The following PSME4 variants were observed in gnomAD, a reference collection of about 807,000 sequenced individuals.
PSME4 encodes the protein proteasome activator complex subunit 4.
In PSME4, 89 loss-of-function variants were observed where a neutral mutation model predicts 253.9. That is an observed-to-expected ratio of 0.35 (90% CI 0.30 to 0.42). PSME4 has a LOEUF of 0.42. Among genes scored for constraint, PSME4 ranks in the 10% least tolerant of loss-of-function variants. PSME4 has a pLI of 1.00. For missense variants in PSME4, 2,014 were observed against 2,195.2 expected (o/e 0.92, Z 1.65); for synonymous variants, 851 against 759.2 (o/e 1.12, Z -1.99).
intron 10 of PSME4, among the ~76,000 whole-genome samples, chr2:53,929,059 G>C (rs890754387): frequency 1.3e-5 from 2 of 152,000 alleles, no homozygotes; most frequent in East Asian, 3.9e-4. Flanking sequence ...CAAGCTACTC[G>C]GGTGGCTGAG....
At chr2:53,953,863 TAG>T (rs1467458469) in intron 1 of PSME4, among the ~76,000 whole-genome samples, 1 of 152,226 alleles carries the variant, frequency 6.6e-6, no homozygotes, top group African/African-American at 2.4e-5. Context: ...GTGATTGATA[TAG>T]AATATTTCTT....
chr2:53,872,326 A>G (rs1678915419), intron 43 of PSME4, among the ~76,000 whole-genome samples: 1 of 152,182 alleles, frequency 6.6e-6, no homozygotes, highest in Non-Finnish European at 1.5e-5. Context: ...AACAGTTCTC[A>G]TTTAGATAAC....
At chr2:53,955,027 C>G (rs1359219072) in intron 1 of PSME4, among the ~76,000 whole-genome samples, 2 of 149,814 alleles carry the variant, frequency 1.3e-5, no homozygotes, top group Non-Finnish European at 3.0e-5. Context: ...AAAAAATCGC[C>G]AGGTGTGATG....
intron 3 of PSME4, among the ~76,000 whole-genome samples, chr2:53,945,953 G>A (rs1367467723): frequency 6.6e-6 from 1 of 152,160 alleles, no homozygotes; most frequent in Non-Finnish European, 1.5e-5. Flanking sequence ...AGAGTTGAGA[G>A]TCAGTGCTGT....
intron 43 of PSME4, among the ~76,000 whole-genome samples, chr2:53,872,504 G>A (rs1157527697): frequency 2.6e-5 from 4 of 151,710 alleles, no homozygotes; most frequent in Non-Finnish European, 5.9e-5. Context: ...AATTTATAAG[G>A]CCAAGGCGGG....
intron 20 of PSME4, among the ~76,000 whole-genome samples, chr2:53,910,668 A>G (rs1429156850): frequency 6.6e-6 from 1 of 152,184 alleles, no homozygotes; most frequent in Non-Finnish European, 1.5e-5. Flanking sequence ...GGCTACCCTG[A>G]GCCTATAAGC....
At chr2:53,924,052 G>A (rs754044824) in intron 14 of PSME4, among the ~76,000 whole-genome samples, 2 of 151,872 alleles carry the variant, frequency 1.3e-5, no homozygotes, top group Non-Finnish European at 1.5e-5. Flanking sequence ...TATAACAAAG[G>A]GAATTTTTTG....
chr2:53,898,189 C>T (rs995506550), intron 30 of PSME4, 112 bp downstream of exon 30: 4 of 1,234,190 alleles, frequency 3.2e-6, no homozygotes, highest in Non-Finnish European at 3.4e-6. Context: ...TCCAAATACA[C>T]AAACCGGAAT....
chr2:53,903,364 T>G (rs548732507), intron 27 of PSME4, among the ~76,000 whole-genome samples: 1 of 152,008 alleles, frequency 6.6e-6, no homozygotes, highest in Non-Finnish European at 1.5e-5. Flanking sequence ...CTTTTTTCAG[T>G]CCCCTCATAT....
At chr2:53,969,687 G>GTTTTTTTTTTTTTTT (rs61560289) in intron 1 of PSME4, among the ~76,000 whole-genome samples, 1 of 138,958 alleles carries the variant, frequency 7.2e-6, no homozygotes, top group Non-Finnish European at 1.5e-5. Flanking sequence ...ATTTTCACTC[G>GTTTTTTTTTTTTTTT]TTTTTTTTTT....
chr2:53,955,720 G>A (rs1348986852), intron 1 of PSME4, among the ~76,000 whole-genome samples: 1 of 152,094 alleles, frequency 6.6e-6, no homozygotes, highest in Non-Finnish European at 1.5e-5. Flanking sequence ...CCAGGAGTTT[G>A]AGACCAGCCT....
intron 7 of PSME4, among the ~76,000 whole-genome samples, chr2:53,935,625 T>C (rs979657620): frequency 1.1e-4 from 16 of 152,206 alleles, no homozygotes; most frequent in African/African-American, 3.1e-4. Flanking sequence ...AAGGTACAAA[T>C]GTATGATGCT....
chr2:53,932,804 T>C (rs901597916), intron 8 of PSME4, 44 bp from the exon 9 acceptor site: 2 of 1,490,242 alleles, frequency 1.3e-6, no homozygotes, highest in South Asian at 2.3e-5. Context: ...CACATCATAC[T>C]GTAAAAACAG....
intron 3 of PSME4, among the ~76,000 whole-genome samples, chr2:53,947,638 G>A (rs976911505): frequency 2.4e-4 from 37 of 152,258 alleles, no homozygotes; most frequent in African/African-American, 8.7e-4. Flanking sequence ...CCCTGGAGGT[G>A]GAGCTTGCAG....
At position 53,906,585 on chromosome 2, in the gene PSME4, G is replaced by C; in HGVS notation, c.2943+13C>G. ...GGGAGGGCATGAGAGTGCAGCGTTT[G>C]GATAAGCCTTACCTGACTGTATGAA... On this transcript the variant is annotated intron_variant, in intron 26 of 46. Coordinates refer to ENST00000404125, the MANE Select transcript of PSME4 (RefSeq NM_014614.3). 1.9e-6 allele frequency: 3 copies of C among 1,541,818 alleles called. No homozygotes were observed. The highest frequency in any genetic ancestry group is 2.5e-5 in the South Asian group (2 of 78,580).
At chr2:53,932,440 C>A (rs1040151392) in intron 9 of PSME4, among the ~76,000 whole-genome samples, 2 of 152,092 alleles carry the variant, frequency 1.3e-5, no homozygotes, top group African/African-American at 4.8e-5. Flanking sequence ...ATTTTTGTTA[C>A]CATTTTTTTG....
At chr2:53,898,769 T>G (rs1680258769) in intron 29 of PSME4, among the ~76,000 whole-genome samples, 1 of 152,074 alleles carries the variant, frequency 6.6e-6, no homozygotes, top group Non-Finnish European at 1.5e-5. Flanking sequence ...CATATACTAA[T>G]TATAAGGCAA....
intron 27 of PSME4, among the ~76,000 whole-genome samples, chr2:53,903,022 T>G (rs1011344324): frequency 2.6e-5 from 4 of 152,204 alleles, no homozygotes; most frequent in Non-Finnish European, 4.4e-5. Flanking sequence ...CCCGATTTCT[T>G]GATACCTTTC....
chr2:53,868,774 T>C (rs1469785345), intron 44 of PSME4, among the ~76,000 whole-genome samples: 1 of 151,500 alleles, frequency 6.6e-6, no homozygotes. Flanking sequence ...TACTTACTAT[T>C]AATCTTTTTA....
Sources: allele counts gnomAD v4.1 joint callset (sites outside exome capture counted in the v4.1 genomes callset), GRCh38; gene constraint gnomAD v4.1.1; transcripts MANE v1.5; gene names NCBI Gene and HGNC (gene_info 2026-07-23, HGNC 2026-07-21).